The following CMTM4 variants were observed in gnomAD, a reference collection of about 807,000 sequenced individuals.
CMTM4 encodes CKLF like MARVEL transmembrane domain containing 4, also known as CKLF-like MARVEL transmembrane domain-containing protein 4.
CMTM4 carries 8 observed loss-of-function variants against 19.0 expected under a neutral mutation model. That is an observed-to-expected ratio of 0.42 (90% confidence interval 0.25 to 0.76). The LOEUF (loss-of-function observed/expected upper bound fraction) is 0.76, where lower values mean the gene tolerates loss of function less well. Among genes scored for constraint, CMTM4 ranks in the 30% least tolerant of loss-of-function variants. The pLI is 0.27. For missense variants in CMTM4, 228 were observed against 290.2 expected, an observed-to-expected ratio of 0.79 and a Z score of 1.56; for synonymous variants, 106 against 121.1, an observed-to-expected ratio of 0.88 and a Z score of 0.82.
chr16:66,661,297 G>A (rs1317371535), intron 1 of CMTM4, among the ~76,000 whole-genome samples: 2 of 152,178 alleles, frequency 1.3e-5, no homozygotes, highest in African/African-American at 4.8e-5. Context: ...ATAAATTTCA[G>A]GTTCAAAGAT....
rs1363993850 is a variant in CMTM4, at chr16:66,615,431, G to A, written c.*6627C>T. On this transcript the variant is annotated 3_prime_UTR_variant, in exon 4 of 4. Coordinates refer to ENST00000394106, the MANE Select transcript of CMTM4 (RefSeq NM_181521.3). This position sits in a 1 kb window ranked among gnomAD's most constrained non-coding sequence, Gnocchi z 4.9. ...GACATAACTCACGTCCTGCAGGAAG[G>A]AGAAGCAAAAGGAGCCGGTGAAGAG... The A allele has an allele frequency of 1.3e-5, 2 of 152,286 alleles. No individual in the cohort carries two copies. Among genetic ancestry groups the A allele is most frequent in the East Asian group, 3.8e-4 (2 of 5,206 alleles). The allele number at this position is 152,286 out of a possible 1,614,324, so 9.4% of individuals were successfully genotyped here.
chr16:66,613,402 C>T (rs1567397777), downstream of CMTM4: 2 of 414,862 alleles, frequency 4.8e-6, no homozygotes, highest in Non-Finnish European at 8.8e-6. Flanking sequence ...CCCAGCCAAA[C>T]CCTCCTTCTT....
chr16:66,640,231 C>T (rs796684097), intron 1 of CMTM4, among the ~76,000 whole-genome samples: 3 of 152,012 alleles, frequency 2.0e-5, no homozygotes, highest in African/African-American at 4.8e-5. Context: ...AGCCTGGGGG[C>T]GGAGGTTGCA....
Position 66,622,276 on chromosome 16 carries a change from G to T in CMTM4, c.463-54C>A. ...CGGGCACGTGGCCTGGCCCCTCAAG[G>T]CTTCTGTGGTGACCCAAGCCACATG... On this transcript the variant is annotated intron_variant, in intron 3 of 3. Transcript: ENST00000394106. The surrounding 1 kb of genome is among the most constrained non-coding windows in gnomAD (Gnocchi z 4.0). The T allele has an allele frequency of 1.3e-6, 2 of 1,587,496 alleles. No homozygotes were observed. The highest frequency in any genetic ancestry group is 1.7e-6 in the Non-Finnish European group (2 of 1,166,256).
chr16:66,619,350 T>TC lies in CMTM4; in HGVS notation c.*2707dup. The TC allele has an allele frequency of 5.1e-6, 5 of 985,360 alleles. No homozygotes were observed. The highest frequency in any genetic ancestry group is 6.0e-6 in the Non-Finnish European group (5 of 829,928). The allele number at this position is 985,360 out of a possible 1,614,324, so 61.0% of individuals were successfully genotyped here. ...GCTTGAGGGTTTCAGCTGTACAGTG[T>TC]CCAGGAAAAAACCCAAATGCACACA... On this transcript the variant is annotated 3_prime_UTR_variant, in exon 4 of 4. Coordinates refer to ENST00000394106, the MANE Select transcript of CMTM4 (RefSeq NM_181521.3).
At position 66,616,888 on chromosome 16, in the gene CMTM4, A is replaced by G. The variant is rs2015535507; in HGVS notation, c.*5170T>C. ...ACTGGGTGTCAGCACTGTCATCCTA[A>G]GGCAACTCAGACGTGATAGTTTTAG... On this transcript the variant is annotated 3_prime_UTR_variant, in exon 4 of 4. Transcript: ENST00000394106. The G allele has an allele frequency of 6.2e-6, 1 of 161,586 alleles. No individual in the cohort carries two copies. Among genetic ancestry groups the G allele is most frequent in the Non-Finnish European group, 1.4e-5 (1 of 73,988 alleles). The allele number at this position is 161,586 out of a possible 1,614,324, so 10.0% of individuals were successfully genotyped here.
chr16:66,689,262 G>A (rs935042349), intron 1 of CMTM4, among the ~76,000 whole-genome samples: 5 of 152,140 alleles, frequency 3.3e-5, no homozygotes, highest in African/African-American at 1.2e-4. Context: ...ACAGTATAAT[G>A]TTAGCTGTAG....
intron 1 of CMTM4, among the ~76,000 whole-genome samples, chr16:66,646,445 CAT>C (rs1567414556): frequency 6.6e-6 from 1 of 151,894 alleles, no homozygotes; most frequent in Non-Finnish European, 1.5e-5. Context: ...AAATATATCA[CAT>C]GTATATATTA....
At chr16:66,604,814 C>A in the CMTM4 span, 1 of 1,279,542 alleles carries the variant, frequency 7.8e-7, no homozygotes, top group Non-Finnish European at 9.8e-7. Flanking sequence ...CCATGTGGCC[C>A]CCAGACCCCG....
intron 1 of CMTM4, among the ~76,000 whole-genome samples, chr16:66,638,988 T>C (rs1415892561): frequency 6.6e-6 from 1 of 151,862 alleles, no homozygotes; most frequent in Non-Finnish European, 1.5e-5. Flanking sequence ...CCATTCCACA[T>C]TGTATACACA....
Position 66,618,414 on chromosome 16 carries a change from GT to G in CMTM4, c.*3643del, listed in dbSNP as rs759065883. ...CACTGCCTTGCAGAATCACTAAATT[GT>G]TCAGGTGTCTCCATGCTCTATTCAT... On this transcript the variant is annotated 3_prime_UTR_variant, in exon 4 of 4. Coordinates refer to ENST00000394106, the MANE Select transcript of CMTM4 (RefSeq NM_181521.3). 2,798 of 985,454 alleles carry G rather than the reference GT, an allele frequency of 2.8e-3. 2 individuals carry two copies. Among genetic ancestry groups the G allele is most frequent in the Non-Finnish European group, 3.3e-3 (2,714 of 829,942 alleles). 61.0% of individuals were successfully genotyped at this position (985,454 alleles called of 1,614,324 possible).
chr16:66,675,206 A>G (rs913130959), intron 1 of CMTM4, among the ~76,000 whole-genome samples: 3 of 150,926 alleles, frequency 2.0e-5, no homozygotes, highest in African/African-American at 7.3e-5. Context: ...TCAGCCTCCC[A>G]AATAGCTGGG....
At chr16:66,608,915 C>G in the CMTM4 span, among the ~76,000 whole-genome samples, 1 of 152,078 alleles carries the variant, frequency 6.6e-6, no homozygotes, top group Admixed American at 6.5e-5. The surrounding 1 kb of genome is among the most constrained non-coding windows in gnomAD (Gnocchi z 5.1). Flanking sequence ...GAAATGTGTC[C>G]TAGAGAAAGG....
chr16:66,695,038 T>C (rs924723532), intron 1 of CMTM4, among the ~76,000 whole-genome samples: 12 of 152,120 alleles, frequency 7.9e-5, no homozygotes, highest in African/African-American at 2.7e-4. Flanking sequence ...GGAATGCTTA[T>C]GCACTCAAGT....
the CMTM4 span, among the ~76,000 whole-genome samples, chr16:66,607,619 C>T: frequency 1.3e-5 from 2 of 152,296 alleles, no homozygotes; most frequent in Non-Finnish European, 2.9e-5. Context: ...CATTCAGTGA[C>T]GAGCACACGT....
rs1203286303 is a variant in CMTM4 at position 66,617,523 on chromosome 16, T to C, written c.*4535A>G. 1.0e-5 allele frequency: 14 copies of C among 1,381,238 alleles called. No homozygotes were observed. Among genetic ancestry groups the C allele is most frequent in the African/African-American group, 1.5e-5 (1 of 68,568 alleles). The allele number at this position is 1,381,238 out of a possible 1,614,324, so 85.6% of individuals were successfully genotyped here. On this transcript the variant is annotated 3_prime_UTR_variant, in exon 4 of 4. Coordinates refer to ENST00000394106, the MANE Select transcript of CMTM4 (RefSeq NM_181521.3). ...CATGAAGAAGAATTAAACAGAACAT[T>C]CACTTTCGGAAGAAAATTTTTCTAG...
In CMTM4 at chr16:66,622,991, C is replaced by T. The variant is rs1319734164; in HGVS notation, c.462+413G>A. Among the ~76,000 whole-genome samples the T allele has an allele frequency of 2.0e-5, 3 of 152,154 alleles. No individual in the cohort carries two copies. Among genetic ancestry groups the T allele is most frequent in the African/African-American group, 7.2e-5 (3 of 41,436 alleles). ...TCCCCACCTGCCGTGGCATTTCCAC[C>T]TTGAAATGTCATGTGACTGCTAAAT... On this transcript the variant is annotated intron_variant, in intron 3 of 3. Transcript: ENST00000394106. This position sits in a 1 kb window ranked among gnomAD's most constrained non-coding sequence, Gnocchi z 4.0.
chr16:66,679,235 T>G (rs1219383491), intron 1 of CMTM4, among the ~76,000 whole-genome samples: 1 of 152,106 alleles, frequency 6.6e-6, no homozygotes, highest in African/African-American at 2.4e-5. Flanking sequence ...CCAAACACTT[T>G]GAAGTCTGCT....
intron 2 of CMTM4, among the ~76,000 whole-genome samples, chr16:66,626,607 A>G (rs144203742): frequency 6.6e-6 from 1 of 151,314 alleles, no homozygotes; most frequent in Non-Finnish European, 1.5e-5. Context: ...CTCCCTCTCA[A>G]AAAAAAAACA....
Sources: gnomAD v4.1 joint callset for allele counts (sites outside exome capture counted in the v4.1 genomes callset) on GRCh38, gnomAD v4.1.1 for gene constraint, Gnocchi (gnomAD v3.1) non-coding constraint, MANE v1.5 for transcripts, NCBI Gene and HGNC (gene_info 2026-07-23, HGNC 2026-07-21) for gene names.